RIN3: variants seen among roughly 807,000 people sequenced by gnomAD.
RIN3 encodes Ras and Rab interactor 3.
RIN3 carries 54 observed loss-of-function variants against 76.3 expected under a neutral mutation model. The ratio of observed to expected loss-of-function variants is 0.71; its 90% CI spans 0.57 to 0.89. The LOEUF is 0.89. Among genes scored for constraint, RIN3 ranks in the 40% least tolerant of loss-of-function variants. The probability of loss-of-function intolerance (pLI) is 0.00; values close to 1 mark genes in which losing one functional copy is unlikely to be tolerated. For synonymous variants in RIN3, 576 were observed against 564.0 expected (o/e 1.02, Z -0.30); for missense variants, 1,256 against 1,322.1 (o/e 0.95, Z 0.78).
At position 92,685,087 on chromosome 14, in the gene RIN3, C is replaced by T; in HGVS notation, c.2568C>T (p.Ser856=). 1 of 1,613,828 alleles carries T rather than the reference C, an allele frequency of 6.2e-7. No homozygotes were observed. Among genetic ancestry groups the T allele is most frequent in the Non-Finnish European group, 8.5e-7 (1 of 1,179,942 alleles). Residue 856 remains serine (S), a synonymous_variant, in exon 9 of 10, where the codon TCC becomes TCT. Coordinates refer to ENST00000216487, the MANE Select transcript of RIN3 (RefSeq NM_024832.5). The surrounding 1 kb of genome is among the most constrained non-coding windows in gnomAD (Gnocchi z 4.7). The stretch of plus-strand genomic sequence containing the variant: ...AGCTGAGTGTGGAGGTGCAGGACTC[C>T]ATCCACCGCTGGGAGCGCCGGCGTA... ...TRQLSVEVQD[S]IHRWERRRTL... is the part of the protein sequence containing the mutation.
intron 3 of RIN3, among the ~76,000 whole-genome samples, chr14:92,605,823 A>G (rs1243670897): frequency 2.0e-5 from 3 of 152,212 alleles, no homozygotes; most frequent in Admixed American, 6.5e-5. Flanking sequence ...AGATAAGGAT[A>G]ATAACTGGTT....
At chr14:92,576,505 AGGCCTCATGGCATGGAGG>A in intron 2 of RIN3, 1 of 913,970 alleles carries the variant, frequency 1.1e-6, no homozygotes, top group Non-Finnish European at 1.5e-6. Flanking sequence ...CTGCATGCAG[AGGCCTCATGGCATGGAGG>A]TCCCAAGCGT....
intron 2 of RIN3, among the ~76,000 whole-genome samples, chr14:92,556,865 T>C (rs528070025): frequency 1.3e-5 from 2 of 152,334 alleles, no homozygotes; most frequent in African/African-American, 4.8e-5. Context: ...AAGTGTTTTC[T>C]TTTTTTAATT....
intron 2 of RIN3, among the ~76,000 whole-genome samples, chr14:92,561,667 G>A (rs76543924): frequency 6.6e-6 from 1 of 151,966 alleles, no homozygotes; most frequent in African/African-American, 2.4e-5. Flanking sequence ...ACTAAAGCCC[G>A]TACTTTATTC....
intron 3 of RIN3, among the ~76,000 whole-genome samples, chr14:92,606,145 CA>C (rs10573887): frequency 0.28 from 27,038 of 95,730 alleles, 2,513 homozygotes; most frequent in East Asian, 0.54. Context: ...GAGCCAGTCT[CA>C]AAAAAAAAAA....
Position 92,514,579 on chromosome 14 carries a change from G to A in RIN3, c.44+603G>A, listed in dbSNP as rs1325978538. On this transcript the variant is annotated intron_variant, in intron 1 of 9. Coordinates refer to ENST00000216487, the MANE Select transcript of RIN3 (RefSeq NM_024832.5). The surrounding 1 kb of genome is among the most constrained non-coding windows in gnomAD (Gnocchi z 7.2). ...GACGGTGACCTTCGGACCGGCCCTGGTCGAGCCTAGTGCTTGGGTAGGGTC... is the reference window on the plus strand; with the variant it reads ...GACGGTGACCTTCGGACCGGCCCTGATCGAGCCTAGTGCTTGGGTAGGGTC... Among the ~76,000 whole-genome samples the A allele has an allele frequency of 6.6e-6, 1 of 152,262 alleles. No individual in the cohort carries two copies. The highest frequency in any genetic ancestry group is 1.5e-5 in the Non-Finnish European group (1 of 68,044).
intron 8 of RIN3, among the ~76,000 whole-genome samples, chr14:92,678,715 C>T (rs1888566088): frequency 6.6e-6 from 1 of 152,186 alleles, no homozygotes; most frequent in South Asian, 2.1e-4. Context: ...TCCACTCATC[C>T]ACCCACCCAT....
intron 6 of RIN3, among the ~76,000 whole-genome samples, chr14:92,655,486 C>A (rs1431519477): frequency 1.3e-5 from 2 of 152,244 alleles, no homozygotes; most frequent in African/African-American, 4.8e-5. Context: ...CCCCAAGGAC[C>A]TTGTGAGCCT....
chr14:92,581,807 C>T (rs1014717467), intron 3 of RIN3, among the ~76,000 whole-genome samples: 6 of 152,112 alleles, frequency 3.9e-5, no homozygotes, highest in African/African-American at 7.2e-5. Flanking sequence ...ACAGAGACCT[C>T]GGTATAGAAC....
intron 2 of RIN3, among the ~76,000 whole-genome samples, chr14:92,560,924 G>A (rs1348821930): frequency 6.7e-6 from 1 of 148,256 alleles, no homozygotes; most frequent in South Asian, 2.1e-4. Flanking sequence ...GGAGGCTGAG[G>A]CAGGAGAATC....
Position 92,555,836 on chromosome 14 carries a change from C to G in RIN3, c.130C>G (p.Leu44Val). The change falls in exon 2 of 10, where the codon CTT becomes GTT. Residue 44 changes from leucine to valine, a missense_variant. Around this residue, in one of 3 missense-constraint regions of RIN3, gnomAD observed 610 missense variants for 626.4 expected, o/e 0.97. Coordinates refer to ENST00000216487, the MANE Select transcript of RIN3 (RefSeq NM_024832.5). ...LCLPANPKNC[L>V]PHRRGISILE... is the part of the protein sequence containing the mutation. ...TCTGCCAGCCAACCCGAAAAACTGCCTTCCTCACCGCCGGGGCATCAGCAT... is the reference window on the plus strand; with the variant it reads ...TCTGCCAGCCAACCCGAAAAACTGCGTTCCTCACCGCCGGGGCATCAGCAT... The G allele has an allele frequency of 6.2e-7, 1 of 1,614,166 alleles. No individual in the cohort carries two copies. The highest frequency in any genetic ancestry group is 8.5e-7 in the Non-Finnish European group (1 of 1,180,036).
At chr14:92,528,644 T>A (rs1430407999) in intron 1 of RIN3, among the ~76,000 whole-genome samples, 1 of 152,210 alleles carries the variant, frequency 6.6e-6, no homozygotes, top group African/African-American at 2.4e-5. Flanking sequence ...AGGTCTGCCC[T>A]TGCTTACTGT....
chr14:92,643,099 G>A lies in RIN3; in HGVS notation c.532+1770G>A, dbSNP rs1174874298. 6.6e-6 allele frequency among the ~76,000 whole-genome samples: 1 copy of A among 151,948 alleles called. No homozygotes were observed. Among genetic ancestry groups the A allele is most frequent in the African/African-American group, 2.4e-5 (1 of 41,350 alleles). ...GATGGAGTCTCACTCTGTCACCCAGGCTGGAGTGCAGTGGTGCGATCTTGG... is the reference window on the plus strand; with the variant it reads ...GATGGAGTCTCACTCTGTCACCCAGACTGGAGTGCAGTGGTGCGATCTTGG... On this transcript the variant is annotated intron_variant, in intron 5 of 9. Coordinates refer to ENST00000216487, the MANE Select transcript of RIN3 (RefSeq NM_024832.5). The surrounding 1 kb of genome is among the most constrained non-coding windows in gnomAD (Gnocchi z 4.8).
At chr14:92,571,548 A>G (rs78014562) in intron 2 of RIN3, among the ~76,000 whole-genome samples, 3,305 of 152,208 alleles carry the variant, frequency 0.022, 141 homozygotes, top group African/African-American at 0.075. Context: ...TCACACACAC[A>G]CACTCACTCA....
chr14:92,547,063 ATATTT>A lies in RIN3; in HGVS notation c.45-8679_45-8675del, dbSNP rs1250548494. 9.2e-4 allele frequency among the ~76,000 whole-genome samples: 69 copies of A among 74,818 alleles called. 15 individuals are homozygous for A. Among genetic ancestry groups the A allele is most frequent in the Admixed American group, 2.2e-3 (19 of 8,600 alleles). 49.1% of individuals were successfully genotyped at this position (74,818 alleles called of 152,430 possible). On this transcript the variant is annotated intron_variant, in intron 1 of 9. Transcript: ENST00000216487. ...TTATTTTATTATAATAAAATAAATT[ATATTT>A]TATTTTATATTATATTATATTATAT...
intron 5 of RIN3, chr14:92,645,223 C>A (rs1179960825): frequency 6.6e-6 from 1 of 152,192 alleles, no homozygotes. Flanking sequence ...CCAGATGATC[C>A]CTGGCCAGCC....
Position 92,655,844 on chromosome 14 carries a change from A to T in RIN3, c.2026+2769A>T, listed in dbSNP as rs61992603. Among the ~76,000 whole-genome samples the T allele has an allele frequency of 7.9e-3, 1,206 of 152,352 alleles. 24 individuals carry two copies. In the South Asian group the frequency reaches 0.092, roughly 12 times the overall value. On this transcript the variant is annotated intron_variant, in intron 6 of 9. Transcript: ENST00000216487. ...GAGGACACAGCGTCCATCCTGGGGC[A>T]GGCACTGGGGAGGAGTTGAGGAGTT...
In RIN3 at chr14:92,610,422, C is replaced by T. The variant is rs914517097; in HGVS notation, c.368-4985C>T. Among the ~76,000 whole-genome samples the T allele has an allele frequency of 7.2e-5, 11 of 152,298 alleles. No homozygotes were observed. In the East Asian group the frequency reaches 1.5e-3, roughly 21 times the overall value. On this transcript the variant is annotated intron_variant, in intron 3 of 9. Transcript: ENST00000216487. ...GATCTTAACACCTGAAGGCCCCTTT[C>T]GCCCAACTGTTCTTTACGGGTCCTC...
At chr14:92,671,990 T>C (rs1173715745) in intron 7 of RIN3, among the ~76,000 whole-genome samples, 1 of 152,218 alleles carries the variant, frequency 6.6e-6, no homozygotes, top group Non-Finnish European at 1.5e-5. Flanking sequence ...GCCAGTGTTA[T>C]ACTGCAGGAG....
Sources: gnomAD v4.1 joint callset for allele counts (sites outside exome capture counted in the v4.1 genomes callset) on GRCh38, gnomAD v4.1.1 for gene constraint, gnomAD v4.1.1 regional missense constraint, Gnocchi (gnomAD v3.1) non-coding constraint, MANE v1.5 for transcripts, NCBI Gene and HGNC (gene_info 2026-07-23, HGNC 2026-07-21) for gene names.